ACLY: variants seen among roughly 807,000 people sequenced by gnomAD.
ACLY encodes ATP-citrate synthase.
A neutral mutation model predicts 133.0 loss-of-function variants in ACLY; 41 were observed. The observed-to-expected ratio is 0.31, with a 90% confidence interval of 0.24 to 0.40. The LOEUF (loss-of-function observed/expected upper bound fraction) is 0.40, where lower values mean the gene tolerates loss of function less well. Among genes scored for constraint, ACLY ranks in the 10% least tolerant of loss-of-function variants. The pLI is 1.00. For synonymous variants in ACLY, 495 were observed against 549.3 expected (o/e 0.90, Z 1.38); for missense variants, 1,046 against 1,453.8 (o/e 0.72, Z 4.56).
intron 17 of ACLY, among the ~76,000 whole-genome samples, chr17:41,886,728 G>A (rs977252615): frequency 4.6e-5 from 7 of 151,988 alleles, no homozygotes; most frequent in African/African-American, 7.3e-5. Flanking sequence ...TTAGGAGTTC[G>A]GGGCTGCTGA....
rs34510712 is a variant in ACLY at position 41,890,837 on chromosome 17, C to CAAAAAAAA, written c.1770+1434_1770+1441dup. Among the ~76,000 whole-genome samples the CAAAAAAAA allele has an allele frequency of 6.8e-5, 5 of 73,198 alleles. 2 individuals are homozygous for CAAAAAAAA. Among genetic ancestry groups the CAAAAAAAA allele is most frequent in the Admixed American group, 2.0e-4 (1 of 5,050 alleles). 48.0% of individuals were successfully genotyped at this position (73,198 alleles called of 152,430 possible). A position where few individuals can be genotyped will look rare whatever the true frequency, so the allele number is the denominator to read the frequency against. ...CCAACATGGTGAAACCCCATCTGTACAAAAAAAAAAAAAAAAAAAAAAGCC... is the reference window on the plus strand; with the variant it reads ...CCAACATGGTGAAACCCCATCTGTACAAAAAAAAAAAAAAAAAAAAAAAAAAAAAAGCC... On this transcript the variant is annotated intron_variant, in intron 16 of 28. Coordinates refer to ENST00000352035, the MANE Select transcript of ACLY (RefSeq NM_001096.3).
At chr17:41,918,735 TA>T in intron 1 of ACLY, 144 bp downstream of exon 1, 1 of 1,055,602 alleles carries the variant, frequency 9.5e-7, no homozygotes, top group Non-Finnish European at 1.2e-6. Context: ...AAGGCTAACC[TA>T]AAGCTAAGAC....
At chr17:41,889,033 A>G (rs2049129895) in intron 16 of ACLY, among the ~76,000 whole-genome samples, 1 of 151,532 alleles carries the variant, frequency 6.6e-6, no homozygotes, top group Non-Finnish European at 1.5e-5. Context: ...CAGGAGAATC[A>G]CTTGAACCTG....
intron 22 of ACLY, among the ~76,000 whole-genome samples, chr17:41,875,811 G>A (rs1439953112): frequency 2.6e-5 from 4 of 152,176 alleles, no homozygotes; most frequent in East Asian, 1.9e-4. Context: ...CCTCCCGGCC[G>A]CCTGCCTTGG....
In ACLY at chr17:41,918,945, C is replaced by A. The variant is rs1555634986; in HGVS notation, c.-89G>T. On this transcript the variant is annotated 5_prime_UTR_variant, in exon 1 of 29. Coordinates refer to ENST00000352035, the MANE Select transcript of ACLY (RefSeq NM_001096.3). ...GACGAACCCCGCAAAATCCGGAGCA[C>A]CCCAGCAGCCGGTAGCTTCCCGGGA... is the stretch of plus-strand genomic sequence containing the variant. 7.0e-6 allele frequency: 9 copies of A among 1,289,336 alleles called. No homozygotes were observed. Among genetic ancestry groups the A allele is most frequent in the Non-Finnish European group, 9.1e-6 (9 of 988,700 alleles). 79.9% of individuals were successfully genotyped at this position (1,289,336 alleles called of 1,614,324 possible).
At chr17:41,910,388 C>T in intron 3 of ACLY, 104 bp from the exon 4 acceptor site, 1 of 929,218 alleles carries the variant, frequency 1.1e-6, no homozygotes, top group Non-Finnish European at 1.7e-6. Flanking sequence ...CTCCCACCAC[C>T]ACACCCAGCA....
At chr17:41,918,525 C>G (rs898103117) in intron 1 of ACLY, among the ~76,000 whole-genome samples, 2 of 152,342 alleles carry the variant, frequency 1.3e-5, no homozygotes, top group South Asian at 4.1e-4. Flanking sequence ...AAAGGCGTCC[C>G]GATGAGCCCG....
chr17:41,925,526 G>A (rs868930356), intron 1 of ACLY, among the ~76,000 whole-genome samples: 53 of 151,572 alleles, frequency 3.5e-4, no homozygotes, highest in South Asian at 2.1e-4. Flanking sequence ...TGGGAGGATT[G>A]CTTGAGCCCA....
intron 18 of ACLY, among the ~76,000 whole-genome samples, chr17:41,885,073 C>T (rs782376292): frequency 6.6e-6 from 1 of 152,050 alleles, no homozygotes; most frequent in Non-Finnish European, 1.5e-5. Flanking sequence ...CTACCAAATT[C>T]GAGACTGTGT....
At chr17:41,918,953 G>A (rs972568059), upstream of ACLY, 23 of 1,289,180 alleles carry the variant, frequency 1.8e-5, no homozygotes, top group Non-Finnish European at 2.3e-5. Flanking sequence ...CACCCCAGCA[G>A]CCGGTAGCTT....
intron 23 of ACLY, 94 bp from the exon 24 acceptor site, chr17:41,872,276 G>A (rs2048617830): frequency 3.9e-6 from 5 of 1,285,952 alleles, no homozygotes; most frequent in Non-Finnish European, 5.5e-6. Context: ...AATCCAAGAA[G>A]GGTAACTACC....
chr17:41,927,588 G>A (rs1555636131), intron 1 of ACLY, among the ~76,000 whole-genome samples: 1 of 152,230 alleles, frequency 6.6e-6, no homozygotes, highest in African/African-American at 2.4e-5. Flanking sequence ...CACTTTGGGA[G>A]GCTAAGGTGG....
chr17:41,872,748 T>C (rs2048628910), intron 23 of ACLY, among the ~76,000 whole-genome samples: 2 of 152,212 alleles, frequency 1.3e-5, no homozygotes, highest in African/African-American at 2.4e-5. Flanking sequence ...CTATGCTCCA[T>C]GTGCCAGACT....
In ACLY at chr17:41,910,108, G is replaced by A. The variant is rs2049854536; in HGVS notation, c.345+114C>T. The A allele has an allele frequency of 6.5e-6, 7 of 1,077,298 alleles. No homozygotes were observed. In the East Asian group the frequency reaches 1.6e-4, roughly 24 times the overall value. 66.7% of individuals were successfully genotyped at this position (1,077,298 alleles called of 1,614,324 possible). ...CTCAGATCCTCAGTGCAGCTTCAGG[G>A]ACCCTGGTCCCTCTGACTGTCCTCA... On this transcript the variant is annotated intron_variant, in intron 4 of 28. Transcript: ENST00000352035.
chr17:41,900,069 CAAAAAAAAA>C (rs60296550), intron 11 of ACLY, among the ~76,000 whole-genome samples: 68 of 46,630 alleles, frequency 1.5e-3, no homozygotes, highest in South Asian at 7.3e-3. Flanking sequence ...ACCCTGTCTC[CAAAAAAAAA>C]AAAAAAAAAA....
intron 11 of ACLY, among the ~76,000 whole-genome samples, chr17:41,899,947 T>C (rs2049480492): frequency 6.6e-6 from 1 of 151,500 alleles, no homozygotes; most frequent in African/African-American, 2.4e-5. Context: ...CATGTATCTG[T>C]AGTCCCAGCT....
At chr17:41,882,775 G>C (rs1555627596) in intron 20 of ACLY, among the ~76,000 whole-genome samples, 2 of 152,086 alleles carry the variant, frequency 1.3e-5, no homozygotes, top group Non-Finnish European at 2.9e-5. Context: ...CTCCCTCCTT[G>C]GCCTCCCTTT....
chr17:41,885,353 G>A (rs1019804500), intron 18 of ACLY, among the ~76,000 whole-genome samples: 3 of 152,088 alleles, frequency 2.0e-5, no homozygotes, highest in Non-Finnish European at 4.4e-5. Context: ...GCATCCTATC[G>A]GAAATCATGT....
At chr17:41,890,528 CAAA>C (rs1484600937) in intron 16 of ACLY, among the ~76,000 whole-genome samples, 1 of 134,752 alleles carries the variant, frequency 7.4e-6, no homozygotes, top group Non-Finnish European at 1.6e-5. Context: ...ACTAAAAATA[CAAA>C]AAAAAAATTA....
Sources: gnomAD v4.1 joint callset for allele counts (sites outside exome capture counted in the v4.1 genomes callset) on GRCh38, gnomAD v4.1.1 for gene constraint, MANE v1.5 for transcripts, NCBI Gene and HGNC (gene_info 2026-07-23, HGNC 2026-07-21) for gene names.